P2RY6: variants seen among roughly 807,000 people sequenced by gnomAD.
P2RY6 encodes the protein P2Y purinoceptor 6.
In P2RY6, 19 loss-of-function variants were observed where a neutral mutation model predicts 16.3. That is an observed-to-expected ratio of 1.16 (90% CI 0.81 to 1.71). The LOEUF is 1.71. P2RY6 is among the 40% of genes most tolerant of loss of function. The probability of loss-of-function intolerance (pLI) is 0.00; values close to 1 mark genes in which losing one functional copy is unlikely to be tolerated. For synonymous variants in P2RY6, 184 were observed against 201.5 expected, an observed-to-expected ratio of 0.91 and a Z score of 0.74; for missense variants, 389 against 455.5, an observed-to-expected ratio of 0.85 and a Z score of 1.33.
chr11:73,267,433 C>T (rs1863142464), upstream of P2RY6, among the ~76,000 whole-genome samples: 1 of 152,086 alleles, frequency 6.6e-6, no homozygotes, highest in Admixed American at 6.5e-5. Context: ...GAGAAAGGTT[C>T]AGATCTTGGA....
chr11:73,283,404 T>C (rs906290187), intron 1 of P2RY6, among the ~76,000 whole-genome samples: 1 of 152,184 alleles, frequency 6.6e-6, no homozygotes, highest in African/African-American at 2.4e-5. Context: ...GAGGTGCCCC[T>C]GCCGGCCCTG....
intron 1 of P2RY6, among the ~76,000 whole-genome samples, chr11:73,294,340 T>C (rs1489687556): frequency 3.9e-5 from 6 of 152,248 alleles, no homozygotes; most frequent in Admixed American, 3.9e-4. Flanking sequence ...CTATACACTA[T>C]GCCCTCATGT....
chr11:73,286,188 G>A (rs1863965146), intron 1 of P2RY6, among the ~76,000 whole-genome samples: 1 of 152,174 alleles, frequency 6.6e-6, no homozygotes, highest in Admixed American at 6.5e-5. Flanking sequence ...CCAGAACTCA[G>A]AGGCCTGTCA....
At chr11:73,291,099 A>G (rs1349481189) in intron 1 of P2RY6, among the ~76,000 whole-genome samples, 1 of 152,142 alleles carries the variant, frequency 6.6e-6, no homozygotes, top group Non-Finnish European at 1.5e-5. Flanking sequence ...TTCTTTCTCC[A>G]TCTGTCAAGT....
Position 73,297,810 on chromosome 11 carries a change from G to A in P2RY6, c.*305G>A, listed in dbSNP as rs1864576180. On this transcript the variant is annotated 3_prime_UTR_variant, in exon 3 of 3. Coordinates refer to ENST00000540124, the MANE Select transcript of P2RY6 (RefSeq NM_001277204.2). ...ACAGTGTGACGTGTACTGTCATCAA[G>A]GGGTATGCTCCATGCTTTGAGTCAC... 3 of 396,024 alleles carry A rather than the reference G, an allele frequency of 7.6e-6. No individual in the cohort carries two copies. Among genetic ancestry groups the A allele is most frequent in the South Asian group, 9.8e-5 (2 of 20,330 alleles). The allele number at this position is 396,024 out of a possible 1,614,324, so 24.5% of individuals were successfully genotyped here. A position where few individuals can be genotyped will look rare whatever the true frequency, so the allele number is the denominator to read the frequency against.
intron 1 of P2RY6, among the ~76,000 whole-genome samples, chr11:73,291,007 G>C (rs1864221081): frequency 6.6e-6 from 1 of 152,214 alleles, no homozygotes; most frequent in African/African-American, 2.4e-5. Context: ...GGTACTCAGT[G>C]GTTGTTGAGG....
At chr11:73,290,346 AGAAAGAAAGAAAGAAAGAAG>A (rs869067359) in intron 1 of P2RY6, among the ~76,000 whole-genome samples, 3,628 of 146,832 alleles carry the variant, frequency 0.025, 63 homozygotes, top group African/African-American at 0.037. Context: ...AAAGAAAGAA[AGAAAGAAAGAAAGAAAGAAG>A]GAAAGAAAGA....
chr11:73,275,284 A>G (rs149159631), intron 1 of P2RY6, among the ~76,000 whole-genome samples: 252 of 152,288 alleles, frequency 1.7e-3, no homozygotes, highest in African/African-American at 5.8e-3. Flanking sequence ...CCTGGGACGG[A>G]GTGGTGGCTG....
At chr11:73,287,512 G>T (rs1371894888) in intron 1 of P2RY6, among the ~76,000 whole-genome samples, 4 of 152,224 alleles carry the variant, frequency 2.6e-5, no homozygotes. Context: ...GGGGGTCTGG[G>T]AACTGGGTGG....
At position 73,296,232 on chromosome 11, in the gene P2RY6, AAATAT is replaced by A. The variant is rs1216879976; in HGVS notation, c.-34-251_-34-247del. ...ACTAGGAAGGCTGAAGGAAAAAAAAAAATATATATATATATATATATATATAATAT... is the reference window on the plus strand; with the variant it reads ...ACTAGGAAGGCTGAAGGAAAAAAAAAATATATATATATATATATATAATAT... On this transcript the variant is annotated intron_variant, in intron 2 of 2. Coordinates refer to ENST00000540124, the MANE Select transcript of P2RY6 (RefSeq NM_001277204.2). 1.3e-3 allele frequency among the ~76,000 whole-genome samples: 169 copies of A among 132,872 alleles called. 2 individuals are homozygous for A. Among genetic ancestry groups the A allele is most frequent in the African/African-American group, 5.0e-3 (161 of 32,268 alleles). The allele number at this position is 132,872 out of a possible 152,430, so 87.2% of individuals were successfully genotyped here. A position where few individuals can be genotyped will look rare whatever the true frequency, so the allele number is the denominator to read the frequency against.
chr11:73,274,499 A>G (rs542983552), intron 1 of P2RY6, among the ~76,000 whole-genome samples: 1,903 of 149,774 alleles, frequency 0.013, 51 homozygotes, highest in African/African-American at 0.046. Context: ...CTGAGATCAT[A>G]CCACTGCACT....
rs763902567 is a variant in P2RY6 at position 73,297,328 on chromosome 11, C to A, written c.810C>A (p.Gly270=). Residue 270 remains glycine, a synonymous_variant, in exon 3 of 3, where the codon GGC becomes GGA. Transcript: ENST00000540124. ...ACCTGGCAGTGCGCTCGACGCCGGG[C>A]GTCCCCTGCACTGTATTGGAGGCCT... ...TAYLAVRSTP[G]VPCTVLEAFA... The A allele has an allele frequency of 1.9e-6, 3 of 1,610,850 alleles. No homozygotes were observed. The highest frequency in any genetic ancestry group is 2.2e-5 in the East Asian group (1 of 44,830).
In P2RY6 at chr11:73,294,291, A is replaced by T. The variant is rs549202849; in HGVS notation, c.-120-1439A>T. On this transcript the variant is annotated intron_variant, in intron 1 of 2. Transcript: ENST00000540124. ...TCACACTGGTCTCCTCCATCAGACT[A>T]GCATATCTGTATCTGTATCCCCATA... 9.2e-5 allele frequency among the ~76,000 whole-genome samples: 14 copies of T among 152,318 alleles called. No individual in the cohort carries two copies. The East Asian group carries it at 2.7e-3, about 29-fold the overall frequency.
Position 73,295,817 on chromosome 11 carries a change from T to C in P2RY6, c.-35+2T>C. On this transcript the variant is annotated splice_donor_variant, in intron 2 of 2. Coordinates refer to ENST00000540124, the MANE Select transcript of P2RY6 (RefSeq NM_001277204.2). LOFTEE classifies it low-confidence loss of function (5UTR_SPLICE). ...GGTGCGGTCCTCAGTGAGCCCCTGGTGTGTGGACCCTTCGCATTGGTTAAC... is the reference window on the plus strand; with the variant it reads ...GGTGCGGTCCTCAGTGAGCCCCTGGCGTGTGGACCCTTCGCATTGGTTAAC... 3.1e-6 allele frequency: 3 copies of C among 980,722 alleles called. No homozygotes were observed. The highest frequency in any genetic ancestry group is 3.6e-6 in the Non-Finnish European group (3 of 825,844). 60.8% of individuals were successfully genotyped at this position (980,722 alleles called of 1,614,324 possible). A position where few individuals can be genotyped will look rare whatever the true frequency, so the allele number is the denominator to read the frequency against.
intron 1 of P2RY6, among the ~76,000 whole-genome samples, chr11:73,291,634 C>G (rs1472766876): frequency 6.6e-6 from 1 of 152,222 alleles, no homozygotes; most frequent in Non-Finnish European, 1.5e-5. Flanking sequence ...CACTCTGTTC[C>G]TCAATCCCCT....
chr11:73,296,343 C>G, intron 2 of P2RY6, 142 bp from the exon 3 acceptor site: 1 of 653,436 alleles, frequency 1.5e-6, no homozygotes, highest in East Asian at 2.7e-5. Flanking sequence ...CTCTGTGGGG[C>G]TTCACGGGGT....
At chr11:73,289,606 T>TC (rs1361286313) in intron 1 of P2RY6, among the ~76,000 whole-genome samples, 1 of 152,214 alleles carries the variant, frequency 6.6e-6, no homozygotes, top group African/African-American at 2.4e-5. Flanking sequence ...CCCTCACCCC[T>TC]CCCTGGCTGT....
chr11:73,293,068 G>C (rs1220672204), intron 1 of P2RY6: 1 of 277,014 alleles, frequency 3.6e-6, no homozygotes, highest in Non-Finnish European at 5.5e-6. Flanking sequence ...AGGAGGCCCA[G>C]AGGAAGGGAT....
At chr11:73,280,178 T>C (rs1356681449) in intron 1 of P2RY6, among the ~76,000 whole-genome samples, 4 of 152,180 alleles carry the variant, frequency 2.6e-5, no homozygotes, top group Admixed American at 1.3e-4. Flanking sequence ...ATATGCACTC[T>C]GGAACCAGGC....
Sources: gnomAD v4.1 joint callset for allele counts (sites outside exome capture counted in the v4.1 genomes callset) on GRCh38, gnomAD v4.1.1 for gene constraint, MANE v1.5 for transcripts, NCBI Gene and HGNC (gene_info 2026-07-23, HGNC 2026-07-21) for gene names.